NKAIN2: variants seen among roughly 807,000 people sequenced by gnomAD.
NKAIN2 encodes the protein sodium/potassium-transporting ATPase subunit beta-1-interacting protein 2.
Under a neutral mutation model 32.6 loss-of-function variants are expected in NKAIN2, and 14 were observed. The observed-to-expected ratio is 0.43, with a 90% CI of 0.28 to 0.67. NKAIN2 has a LOEUF of 0.67. Ranked by LOEUF, NKAIN2 falls within the 30% of genes least tolerant of loss-of-function variation. The pLI is 0.17. For missense variants in NKAIN2, 198 were observed against 258.3 expected (o/e 0.77, Z 1.60); for synonymous variants, 80 against 87.2 (o/e 0.92, Z 0.46).
chr6:123,813,972 G>A (rs1227590207), intron 1 of NKAIN2, among the ~76,000 whole-genome samples: 2 of 151,318 alleles, frequency 1.3e-5, no homozygotes, highest in Non-Finnish European at 2.9e-5. Flanking sequence ...AGGATTATGT[G>A]TTTCTTACCC....
intron 2 of NKAIN2, among the ~76,000 whole-genome samples, chr6:124,333,683 A>G (rs1032975504): frequency 1.4e-5 from 2 of 141,180 alleles, no homozygotes; most frequent in African/African-American, 6.3e-5. Flanking sequence ...AAATAAATAA[A>G]TACATAAATA....
chr6:124,155,429 TA>T (rs919893517), intron 1 of NKAIN2, among the ~76,000 whole-genome samples: 8 of 152,024 alleles, frequency 5.3e-5, no homozygotes, highest in Non-Finnish European at 1.0e-4. Context: ...TAAATATGTA[TA>T]ATTATTATAT....
At chr6:124,673,667 T>C (rs1054322045) in intron 4 of NKAIN2, among the ~76,000 whole-genome samples, 2 of 152,094 alleles carry the variant, frequency 1.3e-5, no homozygotes, top group Non-Finnish European at 2.9e-5. Context: ...ATATACCTGT[T>C]GGCCATTTGA....
intron 1 of NKAIN2, among the ~76,000 whole-genome samples, chr6:124,109,396 T>C (rs1435065363): frequency 1.3e-5 from 2 of 152,086 alleles, no homozygotes; most frequent in Non-Finnish European, 2.9e-5. Flanking sequence ...TGATTTTGTA[T>C]CCTGCAACTT....
chr6:124,087,626 T>G (rs1784242461), intron 1 of NKAIN2, among the ~76,000 whole-genome samples: 1 of 151,926 alleles, frequency 6.6e-6, no homozygotes, highest in Admixed American at 6.6e-5. Context: ...CTGTGGCTAT[T>G]GGGAACTCTG....
chr6:124,710,770 T>C (rs1583694805), intron 4 of NKAIN2, among the ~76,000 whole-genome samples: 2 of 148,172 alleles, frequency 1.3e-5, no homozygotes, highest in East Asian at 4.0e-4. Flanking sequence ...CTGATGGGTC[T>C]TGACTCTTTA....
chr6:124,566,491 T>G (rs1040620126), intron 3 of NKAIN2, among the ~76,000 whole-genome samples: 56 of 152,282 alleles, frequency 3.7e-4, no homozygotes, highest in African/African-American at 1.3e-3. Flanking sequence ...GTCTCCTCTT[T>G]TAGATTCCAT....
chr6:124,613,206 C>A (rs1782756007), intron 3 of NKAIN2, among the ~76,000 whole-genome samples: 1 of 152,126 alleles, frequency 6.6e-6, no homozygotes, highest in African/African-American at 2.4e-5. Context: ...TTAGGTATTT[C>A]CATATCAATA....
intron 1 of NKAIN2, among the ~76,000 whole-genome samples, chr6:124,253,825 G>C (rs887568074): frequency 7.0e-6 from 1 of 143,564 alleles, no homozygotes; most frequent in Non-Finnish European, 1.5e-5. Flanking sequence ...TATGTGCAAT[G>C]TTCTACTTTT....
intron 1 of NKAIN2, among the ~76,000 whole-genome samples, chr6:123,981,685 C>G (rs1287711384): frequency 6.6e-6 from 1 of 152,138 alleles, no homozygotes; most frequent in Non-Finnish European, 1.5e-5. Context: ...AGAGTAACAT[C>G]ACAGGAGGGT....
chr6:124,430,679 A>C (rs1775179395), intron 3 of NKAIN2, among the ~76,000 whole-genome samples: 2 of 152,184 alleles, frequency 1.3e-5, no homozygotes, highest in African/African-American at 4.8e-5. Context: ...CAAAAAAAAA[A>C]AATGGTGGAA....
chr6:124,130,957 G>A (rs1786443168), intron 1 of NKAIN2, among the ~76,000 whole-genome samples: 1 of 152,156 alleles, frequency 6.6e-6, no homozygotes, highest in Non-Finnish European at 1.5e-5. Context: ...CTCCAACACT[G>A]CGCAGTCCTG....
chr6:124,429,481 C>A (rs1386657642), intron 3 of NKAIN2, among the ~76,000 whole-genome samples: 1 of 152,164 alleles, frequency 6.6e-6, no homozygotes, highest in East Asian at 1.9e-4. Context: ...TTTGTGCATA[C>A]TTCTGTTGTG....
chr6:123,804,491 T>G (rs1434972861), intron 1 of NKAIN2, among the ~76,000 whole-genome samples: 1 of 152,144 alleles, frequency 6.6e-6, no homozygotes, highest in Non-Finnish European at 1.5e-5. Flanking sequence ...CAGGTGCGGG[T>G]TAAACTTGTC....
intron 1 of NKAIN2, among the ~76,000 whole-genome samples, chr6:124,274,781 T>C (rs2114891362): frequency 6.6e-6 from 1 of 152,204 alleles, no homozygotes; most frequent in Admixed American, 6.5e-5. Context: ...GACACACTAT[T>C]CAAAAAAAAG....
At chr6:124,599,656 G>GT (rs1008608548) in intron 3 of NKAIN2, among the ~76,000 whole-genome samples, 3 of 152,074 alleles carry the variant, frequency 2.0e-5, no homozygotes, top group African/African-American at 4.8e-5. Context: ...TTGAAATGTC[G>GT]TTTTTATAAA....
At chr6:124,803,011 T>C (rs774773477) in intron 5 of NKAIN2, among the ~76,000 whole-genome samples, 52 of 152,310 alleles carry the variant, frequency 3.4e-4, no homozygotes, top group East Asian at 7.7e-4. Context: ...TAATCCTGGG[T>C]GGTTGCTCAT....
chr6:124,731,525 C>G (rs1776668882), intron 4 of NKAIN2, among the ~76,000 whole-genome samples: 2 of 122,240 alleles, frequency 1.6e-5, no homozygotes, highest in African/African-American at 3.2e-5. Context: ...CACATGGACA[C>G]AGGAAGGGGA....
chr6:123,809,105 A>G (rs988009387), intron 1 of NKAIN2, among the ~76,000 whole-genome samples: 1 of 152,158 alleles, frequency 6.6e-6, no homozygotes, highest in Non-Finnish European at 1.5e-5. Context: ...TACTTTTTTC[A>G]TAAGCAGTTT....
Sources: allele counts gnomAD v4.1 joint callset (sites outside exome capture counted in the v4.1 genomes callset), GRCh38; gene constraint gnomAD v4.1.1; transcripts MANE v1.5; gene names NCBI Gene and HGNC (gene_info 2026-07-23, HGNC 2026-07-21).